Variants in F5 observed in about 807,000 individuals in gnomAD.
F5 encodes coagulation factor V.
In F5, 138 loss-of-function variants were observed where a neutral mutation model predicts 216.4. That is an observed-to-expected ratio of 0.64 (90% CI 0.56 to 0.73). F5 has a LOEUF of 0.73. F5 is among the 30% of genes least tolerant of loss of function. F5 has a pLI of 0.00. For synonymous variants in F5, 916 were observed against 930.7 expected, an observed-to-expected ratio of 0.98 and a Z score of 0.29; for missense variants, 2,403 against 2,674.0, an observed-to-expected ratio of 0.90 and a Z score of 2.24.
chr1:169,546,117 T>C (rs1659995261), intron 11 of F5, among the ~76,000 whole-genome samples: 1 of 152,126 alleles, frequency 6.6e-6, no homozygotes, highest in Admixed American at 6.6e-5. Context: ...TGACATGGAC[T>C]ATAACACCTT....
chr1:169,569,670 A>T, intron 3 of F5, among the ~76,000 whole-genome samples: 1 of 152,080 alleles, frequency 6.6e-6, no homozygotes, highest in Non-Finnish European at 1.5e-5. Flanking sequence ...TATTAAATAC[A>T]TTATTAAAGG....
chr1:169,522,650 G>A (rs1659337009), intron 21 of F5, among the ~76,000 whole-genome samples: 1 of 152,182 alleles, frequency 6.6e-6, no homozygotes, highest in Non-Finnish European at 1.5e-5. Flanking sequence ...TTGGGGAAGG[G>A]AATAGAGAGG....
At chr1:169,537,481 G>T (rs1398157349) in intron 13 of F5, among the ~76,000 whole-genome samples, 1 of 152,100 alleles carries the variant, frequency 6.6e-6, no homozygotes, top group Admixed American at 6.6e-5. Flanking sequence ...AGCAGAAATA[G>T]ACAAATGGGA....
At chr1:169,520,461 C>T (rs1206747161) in intron 22 of F5, 59 bp downstream of exon 22, 3 of 1,605,410 alleles carry the variant, frequency 1.9e-6, no homozygotes, top group Admixed American at 3.3e-5. Context: ...TTCTCCTATA[C>T]CTCCCAAATC....
intron 10 of F5, among the ~76,000 whole-genome samples, chr1:169,549,078 A>G (rs1227256820): frequency 2.0e-5 from 3 of 152,194 alleles, no homozygotes; most frequent in Non-Finnish European, 2.9e-5. Context: ...TCAATAAATC[A>G]GGATCTTCCA....
rs1169539180 is a variant in F5, at chr1:169,513,738, C to A, written c.*575G>T. ...CAATGTGTGCAGTCCTTAGGGAGACCAGGACGGATTCACAATTTCAATGGG... is the reference window on the plus strand; with the variant it reads ...CAATGTGTGCAGTCCTTAGGGAGACAAGGACGGATTCACAATTTCAATGGG... On this transcript the variant is annotated 3_prime_UTR_variant, in exon 25 of 25. Coordinates refer to ENST00000367797, the MANE Select transcript of F5 (RefSeq NM_000130.5). Among the ~76,000 whole-genome samples, 1 of 152,066 alleles carries A rather than the reference C, an allele frequency of 6.6e-6. No homozygotes were observed. Among genetic ancestry groups the A allele is most frequent in the East Asian group, 1.9e-4 (1 of 5,184 alleles).
At chr1:169,520,363 CA>C (rs1210108899) in intron 22 of F5, among the ~76,000 whole-genome samples, 156 bp downstream of exon 22, 2 of 152,184 alleles carry the variant, frequency 1.3e-5, no homozygotes, top group Admixed American at 1.3e-4. Context: ...GTCTAGATCA[CA>C]CTGAGAGTTT....
chr1:169,582,952 G>A (rs1661021463), intron 1 of F5, among the ~76,000 whole-genome samples: 2 of 152,168 alleles, frequency 1.3e-5, no homozygotes, highest in Non-Finnish European at 2.9e-5. Context: ...GTATTGATTT[G>A]GTGGAATTTA....
chr1:169,548,591 G>A (rs1007287376), intron 10 of F5, among the ~76,000 whole-genome samples: 5 of 152,076 alleles, frequency 3.3e-5, no homozygotes, highest in African/African-American at 1.2e-4. Context: ...AAAAGAGCCG[G>A]GCACAGTGGC....
Position 169,586,474 on chromosome 1 carries a change from G to T in F5, c.-88C>A. The T allele has an allele frequency of 6.6e-7, 1 of 1,523,728 alleles. No homozygotes were observed. The highest frequency in any genetic ancestry group is 2.4e-5 in the East Asian group (1 of 41,200). The allele number at this position is 1,523,728 out of a possible 1,614,324, so 94.4% of individuals were successfully genotyped here. A position where few individuals can be genotyped will look rare whatever the true frequency, so the allele number is the denominator to read the frequency against. On this transcript the variant is annotated 5_prime_UTR_variant, in exon 1 of 25. In the 5' UTR this introduces an upstream ATG that the reference lacks. Transcript: ENST00000367797. ...GCTAACCACACTCCGGGCTGTCCCA[G>T]CTGCAATGAGCTCTAGAGGCTGTGG...
intron 2 of F5, among the ~76,000 whole-genome samples, chr1:169,581,585 C>G (rs921930382): frequency 2.6e-5 from 4 of 152,008 alleles, no homozygotes; most frequent in Admixed American, 1.3e-4. Context: ...AGAGGCAGGA[C>G]AGACTAGGAT....
intron 19 of F5, 51 bp from the exon 20 acceptor site, chr1:169,523,955 C>T (rs777021256): frequency 6.8e-7 from 1 of 1,479,586 alleles, no homozygotes; most frequent in East Asian, 2.3e-5. Context: ...AAAAACCCAG[C>T]AATTTCTCAA....
At chr1:169,529,426 C>T (rs9332621) in intron 16 of F5, among the ~76,000 whole-genome samples, 182 bp downstream of exon 16, 1,703 of 152,272 alleles carry the variant, frequency 0.011, 14 homozygotes, top group Non-Finnish European at 0.017. Flanking sequence ...CTTTTTGCCT[C>T]ACCCACAGTG....
chr1:169,521,004 C>A (rs772587339), intron 21 of F5, among the ~76,000 whole-genome samples: 63 of 151,986 alleles, frequency 4.1e-4, no homozygotes, highest in Non-Finnish European at 5.9e-5. Flanking sequence ...CCTCATAAAT[C>A]CCAGACTTAG....
intron 13 of F5, among the ~76,000 whole-genome samples, chr1:169,538,861 CTG>C (rs1659766841): frequency 6.6e-6 from 1 of 152,076 alleles, no homozygotes; most frequent in African/African-American, 2.4e-5. Context: ...GGTGAACATT[CTG>C]TGTCTTGACA....
Position 169,555,259 on chromosome 1 carries a change from C to T in F5, c.1041G>A (p.Met347Ile), listed in dbSNP as rs771570966. The change falls in exon 7 of 25, where the codon ATG becomes ATA. Residue 347 changes from methionine (M) to isoleucine (I), a missense_variant. Around this residue, in one of 4 missense-constraint regions of F5, gnomAD observed 1,425 missense variants for 1,554.8 expected, o/e 0.92. Coordinates refer to ENST00000367797, the MANE Select transcript of F5 (RefSeq NM_000130.5). ...KKITREQRRHMKRWEYFIAAE... is the reference protein window; with the variant it reads ...KKITREQRRHIKRWEYFIAAE... The stretch of plus-strand genomic sequence containing the variant: ...CAGCAATGAAGTATTCCCACCTCTT[C>T]ATGTGCCGCCTCTGCTCACGAGTTA... 27 of 1,614,058 alleles carry T rather than the reference C, an allele frequency of 1.7e-5. No individual in the cohort carries two copies. The South Asian group carries it at 2.9e-4, about 17-fold the overall frequency.
chr1:169,548,066 T>C (rs1367445903), intron 10 of F5, among the ~76,000 whole-genome samples: 2 of 152,162 alleles, frequency 1.3e-5, no homozygotes, highest in Non-Finnish European at 2.9e-5. Flanking sequence ...TGGAGGCCAT[T>C]ATTCTAAGCA....
chr1:169,522,885 C>T (rs9332646), intron 21 of F5, among the ~76,000 whole-genome samples: 8,315 of 152,238 alleles, frequency 0.055, 352 homozygotes, highest in Admixed American at 0.1. Context: ...CTCCTTGAGG[C>T]GCAAGACCAG....
In F5 at chr1:169,544,493, A is replaced by G. The variant is rs776195629; in HGVS notation, c.1778T>C (p.Val593Ala). The change falls in exon 12 of 25, where the codon GTG becomes GCG. Residue 593 changes from valine to alanine, a missense_variant. By Grantham distance (64) the Val-to-Ala change is moderately conservative. Coordinates refer to ENST00000367797, the MANE Select transcript of F5 (RefSeq NM_000130.5). Reference sequence around the variant, plus strand: ...TCCAAGAGTAGTTATGCTCTCAGGCACATAGCCATTGATAGCTGAAAGTGT... The same window carrying G: ...TCCAAGAGTAGTTATGCTCTCAGGCGCATAGCCATTGATAGCTGAAAGTGT... ...SNIMSTINGY[V>A]PESITTLGFC... 6.2e-7 allele frequency: 1 copy of G among 1,613,868 alleles called. No homozygotes were observed. The highest frequency in any genetic ancestry group is 8.5e-7 in the Non-Finnish European group (1 of 1,179,948).
Sources: allele counts gnomAD v4.1 joint callset (sites outside exome capture counted in the v4.1 genomes callset), GRCh38; gene constraint gnomAD v4.1.1; regional missense constraint gnomAD v4.1.1; transcripts MANE v1.5; gene names NCBI Gene and HGNC (gene_info 2026-07-23, HGNC 2026-07-21).